The following CCSER1 variants were observed in gnomAD, a reference collection of about 807,000 sequenced individuals.
CCSER1 encodes coiled-coil serine rich protein 1.
Under a neutral mutation model 82.0 loss-of-function variants are expected in CCSER1, and 41 were observed. That is an observed-to-expected ratio of 0.50 (90% CI 0.39 to 0.65). The LOEUF is 0.65. Among genes scored for constraint, CCSER1 ranks in the 30% least tolerant of loss-of-function variants. The probability of loss-of-function intolerance (pLI) is 0.00; values close to 1 mark genes in which losing one functional copy is unlikely to be tolerated. For synonymous variants in CCSER1, 414 were observed against 383.9 expected, an observed-to-expected ratio of 1.08 and a Z score of -0.92; for missense variants, 1,119 against 1,064.2, an observed-to-expected ratio of 1.05 and a Z score of -0.72.
At chr4:90,582,079 G>C (rs1004652693) in intron 5 of CCSER1, among the ~76,000 whole-genome samples, 1 of 151,738 alleles carries the variant, frequency 6.6e-6, no homozygotes, top group Non-Finnish European at 1.5e-5. Context: ...ATAAAACATG[G>C]GTTACATCTG....
intron 9 of CCSER1, among the ~76,000 whole-genome samples, chr4:91,046,728 CT>C (rs377192917): frequency 8.7e-5 from 13 of 150,018 alleles, no homozygotes; most frequent in African/African-American, 2.2e-4. Flanking sequence ...GTTTTGGGAG[CT>C]TTTTTTTTAG....
At chr4:90,788,923 G>A (rs1342697214) in intron 7 of CCSER1, among the ~76,000 whole-genome samples, 1 of 151,802 alleles carries the variant, frequency 6.6e-6, no homozygotes, top group East Asian at 1.9e-4. Context: ...CCTCCCCCAG[G>A]CATTCCTCTT....
intron 3 of CCSER1, among the ~76,000 whole-genome samples, chr4:90,332,472 G>A (rs1739489414): frequency 6.6e-6 from 1 of 152,034 alleles, no homozygotes; most frequent in African/African-American, 2.4e-5. Flanking sequence ...CTGAACTCAG[G>A]TGATCCACCT....
chr4:91,318,610 T>C (rs779236591), intron 10 of CCSER1, among the ~76,000 whole-genome samples: 1 of 152,062 alleles, frequency 6.6e-6, no homozygotes. Context: ...TGTGAAAACT[T>C]CAATATCTTA....
chr4:90,835,587 C>A (rs1353197035), intron 8 of CCSER1, among the ~76,000 whole-genome samples: 2 of 152,090 alleles, frequency 1.3e-5, no homozygotes, highest in Non-Finnish European at 2.9e-5. Context: ...GATTTGCCCC[C>A]TGAGCATATT....
intron 10 of CCSER1, among the ~76,000 whole-genome samples, chr4:91,152,788 G>T (rs376426109): frequency 2.8e-4 from 41 of 148,956 alleles, no homozygotes; most frequent in African/African-American, 9.7e-4. Flanking sequence ...AGCTTAGTTT[G>T]GCTGGTTATG....
At chr4:91,401,809 T>G (rs1350874561) in intron 10 of CCSER1, among the ~76,000 whole-genome samples, 1 of 152,194 alleles carries the variant, frequency 6.6e-6, no homozygotes, top group Non-Finnish European at 1.5e-5. Context: ...TTGATGGACA[T>G]TTGGGTTGGT....
intron 6 of CCSER1, among the ~76,000 whole-genome samples, chr4:90,700,455 G>A (rs1167771895): frequency 6.6e-6 from 1 of 152,174 alleles, no homozygotes; most frequent in African/African-American, 2.4e-5. Context: ...ACATACGTGT[G>A]CATGTGTCTT....
chr4:90,343,812 G>T (rs957623125), intron 3 of CCSER1, among the ~76,000 whole-genome samples: 6 of 152,026 alleles, frequency 3.9e-5, no homozygotes, highest in Non-Finnish European at 7.4e-5. Flanking sequence ...TTTCATACAG[G>T]CATGCAATGT....
intron 7 of CCSER1, among the ~76,000 whole-genome samples, chr4:90,795,676 C>T (rs1396442821): frequency 6.6e-6 from 1 of 152,086 alleles, no homozygotes; most frequent in Non-Finnish European, 1.5e-5. Flanking sequence ...TCCTTCAATA[C>T]CTAGTTTATC....
chr4:90,160,738 A>G (rs1315829928), intron 1 of CCSER1, among the ~76,000 whole-genome samples: 1 of 152,178 alleles, frequency 6.6e-6, no homozygotes, highest in Non-Finnish European at 1.5e-5. Context: ...ATTGGAAGCT[A>G]TGGGAAACAA....
In CCSER1 at chr4:90,694,830, TA is replaced by T. The variant is rs1736717715; in HGVS notation, c.1933-29083del. ...TGTGTGTGTGTGTGTGTGTGTGTTT[TA>T]GTTTATGAAACCAATTTAAATGCTG... On this transcript the variant is annotated intron_variant, in intron 6 of 10. Transcript: ENST00000509176. 1.1e-4 allele frequency among the ~76,000 whole-genome samples: 15 copies of T among 131,300 alleles called. No individual in the cohort carries two copies. In the Admixed American group the frequency reaches 1.2e-3, roughly 10 times the overall value. The allele number at this position is 131,300 out of a possible 152,430, so 86.1% of individuals were successfully genotyped here. A position where few individuals can be genotyped will look rare whatever the true frequency, so the allele number is the denominator to read the frequency against.
chr4:91,477,566 G>A (rs984042753), intron 10 of CCSER1, among the ~76,000 whole-genome samples: 3 of 151,488 alleles, frequency 2.0e-5, no homozygotes, highest in Admixed American at 6.6e-5. Context: ...TAACATTATA[G>A]CCTATAATCT....
intron 6 of CCSER1, chr4:90,642,139 G>A (rs578233896): frequency 6.2e-6 from 1 of 162,280 alleles, no homozygotes; most frequent in African/African-American, 2.4e-5. Context: ...ACAGTGAGCA[G>A]AGAATCACTT....
chr4:90,493,839 A>G (rs897817987), intron 5 of CCSER1, among the ~76,000 whole-genome samples: 1 of 152,242 alleles, frequency 6.6e-6, no homozygotes, highest in Non-Finnish European at 1.5e-5. Context: ...CATCAAGGCT[A>G]GGAAGAAACT....
At chr4:90,920,807 G>T (rs1728273587) in intron 8 of CCSER1, among the ~76,000 whole-genome samples, 1 of 151,536 alleles carries the variant, frequency 6.6e-6, no homozygotes, top group African/African-American at 2.4e-5. Context: ...TCCCCTCTAA[G>T]CAATAACCAT....
At chr4:91,335,913 C>T (rs1747293579) in intron 10 of CCSER1, among the ~76,000 whole-genome samples, 1 of 152,068 alleles carries the variant, frequency 6.6e-6, no homozygotes. Flanking sequence ...TAACAACATG[C>T]CTTACATAAA....
At chr4:91,049,332 A>T (rs933041819) in intron 9 of CCSER1, among the ~76,000 whole-genome samples, 2 of 152,116 alleles carry the variant, frequency 1.3e-5, no homozygotes, top group Non-Finnish European at 2.9e-5. Context: ...AATCCTTTAC[A>T]TGTCACATGC....
At chr4:91,080,623 C>G (rs1037275925) in intron 9 of CCSER1, among the ~76,000 whole-genome samples, 2 of 152,072 alleles carry the variant, frequency 1.3e-5, no homozygotes, top group African/African-American at 4.8e-5. Context: ...TCAATGAATC[C>G]TGGAGCTGGT....
Sources: gnomAD v4.1 joint callset for allele counts (sites outside exome capture counted in the v4.1 genomes callset) on GRCh38, gnomAD v4.1.1 for gene constraint, MANE v1.5 for transcripts, NCBI Gene and HGNC (gene_info 2026-07-23, HGNC 2026-07-21) for gene names.